NRG3: variants seen among roughly 807,000 people sequenced by gnomAD.
The protein encoded by NRG3 is pro-neuregulin-3, membrane-bound isoform.
In NRG3, 31 loss-of-function variants were observed where a neutral mutation model predicts 66.9. The ratio of observed to expected loss-of-function variants is 0.46; its 90% CI spans 0.35 to 0.63. NRG3 has a LOEUF of 0.63. NRG3 is among the 20% of genes least tolerant of loss of function. The pLI, the probability that NRG3 is intolerant of heterozygous loss-of-function variation, is 0.00. For synonymous variants in NRG3, 393 were observed against 359.4 expected (o/e 1.09, Z -1.06); for missense variants, 910 against 878.9 (o/e 1.04, Z -0.45).
intron 6 of NRG3, among the ~76,000 whole-genome samples, chr10:82,963,622 G>C (rs1268352247): frequency 6.6e-6 from 1 of 152,220 alleles, no homozygotes; most frequent in Non-Finnish European, 1.5e-5. Flanking sequence ...AGAGCTTGCA[G>C]TGAGCCGAGA....
chr10:82,097,998 A>T (rs1372384379), intron 1 of NRG3, among the ~76,000 whole-genome samples: 1 of 151,880 alleles, frequency 6.6e-6, no homozygotes, highest in South Asian at 2.1e-4. Context: ...TCTGAAACCG[A>T]GAAGGATCTG....
intron 4 of NRG3, among the ~76,000 whole-genome samples, chr10:82,922,831 T>C (rs1846584232): frequency 6.6e-6 from 1 of 152,164 alleles, no homozygotes; most frequent in Non-Finnish European, 1.5e-5. Context: ...TCCTTCCATA[T>C]TGTCCCATCC....
chr10:82,362,569 TC>T (rs2084254567), intron 2 of NRG3, among the ~76,000 whole-genome samples: 1 of 148,096 alleles, frequency 6.8e-6, no homozygotes, highest in Non-Finnish European at 1.5e-5. Context: ...TTTTTTTTTT[TC>T]GTAGAAATGG....
intron 7 of NRG3, among the ~76,000 whole-genome samples, chr10:82,974,147 C>T (rs1030987071): frequency 6.6e-6 from 1 of 151,946 alleles, no homozygotes; most frequent in Non-Finnish European, 1.5e-5. Flanking sequence ...TAGATAACAC[C>T]CATCAAAGTT....
chr10:81,902,027 G>A (rs948552388), intron 1 of NRG3, among the ~76,000 whole-genome samples: 5 of 152,212 alleles, frequency 3.3e-5, no homozygotes, highest in East Asian at 1.9e-4. Flanking sequence ...TAACTTTCAC[G>A]GATTTCAGAC....
intron 1 of NRG3, among the ~76,000 whole-genome samples, chr10:82,022,973 A>G (rs1206948059): frequency 6.6e-6 from 1 of 151,414 alleles, no homozygotes; most frequent in Non-Finnish European, 1.5e-5. Context: ...TTTGAAAGAT[A>G]CAATGTGTAA....
chr10:82,040,507 G>C (rs1435783460), intron 1 of NRG3, among the ~76,000 whole-genome samples: 1 of 151,846 alleles, frequency 6.6e-6, no homozygotes, highest in East Asian at 1.9e-4. Flanking sequence ...CCATATATGT[G>C]TCTCTACAAA....
chr10:81,956,021 A>G (rs2133232257), intron 1 of NRG3, among the ~76,000 whole-genome samples: 1 of 152,250 alleles, frequency 6.6e-6, no homozygotes, highest in South Asian at 2.1e-4. Context: ...GGCAGATTGT[A>G]TTTCTCCAAA....
At chr10:82,744,489 C>T (rs994686643) in intron 3 of NRG3, among the ~76,000 whole-genome samples, 1 of 152,104 alleles carries the variant, frequency 6.6e-6, no homozygotes, top group Non-Finnish European at 1.5e-5. Context: ...ATGAGGATTT[C>T]TTCTTCCCGA....
chr10:82,294,326 A>G (rs1456104531), intron 1 of NRG3, among the ~76,000 whole-genome samples: 1 of 152,228 alleles, frequency 6.6e-6, no homozygotes. Flanking sequence ...ATAAATGGAA[A>G]GCATTGAGTC....
intron 2 of NRG3, among the ~76,000 whole-genome samples, chr10:82,553,954 G>A (rs1480804504): frequency 1.3e-5 from 2 of 152,244 alleles, no homozygotes; most frequent in Admixed American, 6.5e-5. Flanking sequence ...CAAACCTGTA[G>A]ATTTAATTGC....
chr10:82,934,347 TC>T (rs1198535213), intron 4 of NRG3, among the ~76,000 whole-genome samples: 1 of 152,178 alleles, frequency 6.6e-6, no homozygotes, highest in Non-Finnish European at 1.5e-5. Context: ...ACTTGAGAAG[TC>T]CCCAGAGACC....
intron 1 of NRG3, among the ~76,000 whole-genome samples, chr10:82,127,629 C>A (rs2068532851): frequency 6.6e-6 from 1 of 151,998 alleles, no homozygotes; most frequent in African/African-American, 2.4e-5. Context: ...CACAGTAAAC[C>A]TGAGTGGAAG....
intron 1 of NRG3, among the ~76,000 whole-genome samples, chr10:81,943,024 A>G (rs1287039105): frequency 6.6e-6 from 1 of 152,160 alleles, no homozygotes; most frequent in African/African-American, 2.4e-5. Context: ...TTTGTGTCAC[A>G]TAATTTACCT....
At chr10:82,492,094 G>A (rs1406041385) in intron 2 of NRG3, among the ~76,000 whole-genome samples, 1 of 152,114 alleles carries the variant, frequency 6.6e-6, no homozygotes, top group South Asian at 2.1e-4. Flanking sequence ...ACAGTCAGTT[G>A]TCCTTTCACT....
chr10:82,457,388 T>G (rs1791113878), intron 2 of NRG3, among the ~76,000 whole-genome samples: 1 of 152,144 alleles, frequency 6.6e-6, no homozygotes, highest in South Asian at 2.1e-4. Context: ...CAGTTCACAA[T>G]AGGGTTCGCG....
At chr10:82,817,824 G>T (rs371037432) in intron 3 of NRG3, among the ~76,000 whole-genome samples, 2 of 152,204 alleles carry the variant, frequency 1.3e-5, no homozygotes, top group South Asian at 4.1e-4. Context: ...GCTGCTGAAT[G>T]CACAGAATAA....
At chr10:82,331,903 C>T (rs1186969756) in intron 1 of NRG3, among the ~76,000 whole-genome samples, 1 of 152,182 alleles carries the variant, frequency 6.6e-6, no homozygotes, top group Non-Finnish European at 1.5e-5. Flanking sequence ...AAGCTGGATG[C>T]CAAGGAGTGT....
intron 1 of NRG3, among the ~76,000 whole-genome samples, chr10:82,231,194 T>C (rs2076438650): frequency 6.6e-6 from 1 of 151,926 alleles, no homozygotes; most frequent in Non-Finnish European, 1.5e-5. Flanking sequence ...AATACAAAAA[T>C]TAGCCAGGCA....
Sources: gnomAD v4.1 joint callset for allele counts (sites outside exome capture counted in the v4.1 genomes callset) on GRCh38, gnomAD v4.1.1 for gene constraint, MANE v1.5 for transcripts, NCBI Gene and HGNC (gene_info 2026-07-23, HGNC 2026-07-21) for gene names.